CCDC171: variants seen among roughly 807,000 people sequenced by gnomAD.
CCDC171 encodes coiled-coil domain-containing protein 171.
A neutral mutation model predicts 168.2 loss-of-function variants in CCDC171; 177 were observed. The observed-to-expected ratio is 1.05, with a 90% CI of 0.93 to 1.19. The LOEUF is 1.19. Ranked by LOEUF, CCDC171 falls within the 50% of genes most tolerant of loss-of-function variation. The pLI is 0.00. For synonymous variants in CCDC171, 687 were observed against 540.8 expected, an observed-to-expected ratio of 1.27 and a Z score of -3.75; for missense variants, 1,991 against 1,539.0, an observed-to-expected ratio of 1.29 and a Z score of -4.91.
intron 24 of CCDC171, among the ~76,000 whole-genome samples, chr9:15,909,392 A>G (rs1037437299): frequency 1.2e-5 from 1 of 81,270 alleles, no homozygotes; most frequent in African/African-American, 3.9e-5. Flanking sequence ...GCATTCATGT[A>G]CATGTGCGTA....
At chr9:15,578,228 ATTTTC>A (rs1213365118) in intron 3 of CCDC171, among the ~76,000 whole-genome samples, 15 of 148,032 alleles carry the variant, frequency 1.0e-4, no homozygotes, top group African/African-American at 3.0e-4. Context: ...AGGTATGAAT[ATTTTC>A]TTTTCTTTAT....
At chr9:15,584,836 G>C (rs1452998971) in intron 4 of CCDC171, among the ~76,000 whole-genome samples, 1 of 152,110 alleles carries the variant, frequency 6.6e-6, no homozygotes, top group Non-Finnish European at 1.5e-5. Flanking sequence ...AGGAATATAA[G>C]AATTGGAAGG....
chr9:15,788,677 G>C (rs955756165), intron 21 of CCDC171, among the ~76,000 whole-genome samples: 3 of 151,186 alleles, frequency 2.0e-5, no homozygotes, highest in African/African-American at 7.3e-5. Flanking sequence ...ACCCTATCAA[G>C]AAGCTGGGTC....
chr9:15,746,752 A>G (rs1300315662), intron 18 of CCDC171, among the ~76,000 whole-genome samples: 1 of 152,174 alleles, frequency 6.6e-6, no homozygotes, highest in African/African-American at 2.4e-5. Flanking sequence ...GACTGGTTGG[A>G]CAGTGGGTGC....
chr9:15,906,695 A>G (rs1276965640), intron 24 of CCDC171, among the ~76,000 whole-genome samples: 1 of 152,218 alleles, frequency 6.6e-6, no homozygotes, highest in African/African-American at 2.4e-5. Context: ...GGAGAAGGAA[A>G]TAAAGGGTAT....
intron 25 of CCDC171, among the ~76,000 whole-genome samples, chr9:15,957,223 T>G (rs1290749391): frequency 6.6e-6 from 1 of 152,088 alleles, no homozygotes; most frequent in East Asian, 1.9e-4. Context: ...GACCACCTAT[T>G]ATGAAGCTTT....
At chr9:15,814,292 A>G (rs554819326) in intron 21 of CCDC171, among the ~76,000 whole-genome samples, 28 of 152,308 alleles carry the variant, frequency 1.8e-4, no homozygotes, top group African/African-American at 5.8e-4. Context: ...TAATTTAATG[A>G]CATGCTTCTT....
intron 20 of CCDC171, among the ~76,000 whole-genome samples, 181 bp downstream of exon 20, chr9:15,779,331 G>A (rs929287279): frequency 6.6e-6 from 1 of 151,988 alleles, no homozygotes; most frequent in Non-Finnish European, 1.5e-5. Context: ...TGATGTTGGT[G>A]GCAGGCGGGG....
intron 8 of CCDC171, among the ~76,000 whole-genome samples, 192 bp downstream of exon 8, chr9:15,657,411 A>G (rs1431146380): frequency 5.3e-5 from 8 of 152,174 alleles, no homozygotes; most frequent in Admixed American, 3.9e-4. Context: ...TTGGCACACT[A>G]TAGCCTACAG....
intron 9 of CCDC171, among the ~76,000 whole-genome samples, chr9:15,674,953 A>C (rs541544163): frequency 6.6e-6 from 1 of 152,204 alleles, no homozygotes; most frequent in Non-Finnish European, 1.5e-5. Context: ...TAATATTGAC[A>C]GTGGGGTTTT....
chr9:15,659,878 C>G (rs374147991), intron 8 of CCDC171, among the ~76,000 whole-genome samples: 64 of 152,284 alleles, frequency 4.2e-4, no homozygotes, highest in African/African-American at 1.4e-3. Flanking sequence ...CACTCCGTTA[C>G]TTTATTTGCC....
At chr9:15,684,586 CATGTT>C (rs1178165866) in intron 10 of CCDC171, among the ~76,000 whole-genome samples, 1 of 151,846 alleles carries the variant, frequency 6.6e-6, no homozygotes, top group Admixed American at 6.6e-5. Context: ...TTGTGGTACT[CATGTT>C]GAGTGAGCAA....
At position 15,578,961 on chromosome 9, in the gene CCDC171, T is replaced by C; in HGVS notation, c.290T>C (p.Leu97Pro). Residue 97 changes from leucine to proline, a missense_variant, in exon 4 of 26, where the codon CTT becomes CCT. Physicochemically the swap from Leu to Pro is moderately conservative, Grantham distance 98. Coordinates refer to ENST00000380701, the MANE Select transcript of CCDC171 (RefSeq NM_173550.4). ...GCTGTTGCTAGAAAGGAAGCTGGTC[T>C]TGGAAGACGGGCTGCTGAAGAAAGA... ...DLAVARKEAG[L>P]GRRAAEERLA... The C allele has an allele frequency of 6.2e-7, 1 of 1,614,056 alleles. No homozygotes were observed. The highest frequency in any genetic ancestry group is 8.5e-7 in the Non-Finnish European group (1 of 1,179,954).
chr9:15,596,150 T>G (rs2042336387), intron 6 of CCDC171, among the ~76,000 whole-genome samples: 1 of 152,182 alleles, frequency 6.6e-6, no homozygotes, highest in South Asian at 2.1e-4. Flanking sequence ...TTAGTTTAAT[T>G]AGATCCCATT....
chr9:15,964,399 A>G (rs1482420252), intron 25 of CCDC171, among the ~76,000 whole-genome samples: 10 of 151,866 alleles, frequency 6.6e-5, no homozygotes, highest in Admixed American at 5.3e-4. Flanking sequence ...GTGTCTTTTT[A>G]TATATTTGAG....
rs1026173862 is a variant in CCDC171 at position 15,912,177 on chromosome 9, A to C, written c.3601-8093A>C. Among the ~76,000 whole-genome samples, 5 of 152,198 alleles carry C rather than the reference A, an allele frequency of 3.3e-5. No homozygotes were observed. In the East Asian group the frequency reaches 9.6e-4, roughly 29 times the overall value. ...TTCATGGTATTGATTCTTCCTATTC[A>C]TGAGCATGGAATGTTTTTCCATCTG... On this transcript the variant is annotated intron_variant, in intron 24 of 25. Transcript: ENST00000380701.
At chr9:15,605,887 C>T (rs1425371039) in intron 6 of CCDC171, among the ~76,000 whole-genome samples, 1 of 152,122 alleles carries the variant, frequency 6.6e-6, no homozygotes, top group Non-Finnish European at 1.5e-5. Flanking sequence ...TTAGTATTTG[C>T]ATGGCATTCT....
chr9:15,631,117 G>A (rs899643895), intron 7 of CCDC171, among the ~76,000 whole-genome samples: 4 of 152,064 alleles, frequency 2.6e-5, no homozygotes, highest in African/African-American at 9.6e-5. Context: ...AAGAACTAGA[G>A]AAGCAAGAGC....
In CCDC171 at chr9:16,050,118, C is replaced by G. The variant is rs958592615; in HGVS notation, n.89+7232C>G. Among the ~76,000 whole-genome samples the G allele has an allele frequency of 2.0e-5, 3 of 152,126 alleles. 1 individual carries two copies. The highest frequency in any genetic ancestry group is 4.1e-4 in the South Asian group (2 of 4,820). On this transcript the variant is annotated intron_variant and non_coding_transcript_variant, in intron 1 of 1. Transcript: ENST00000478913. ...GCCAGGCTGGTCTCGATCTCCTGAC[C>G]TCTGATGATTCACCTGCCTTGGCCT...
Sources: allele counts gnomAD v4.1 joint callset (sites outside exome capture counted in the v4.1 genomes callset), GRCh38; gene constraint gnomAD v4.1.1; transcripts MANE v1.5; gene names NCBI Gene and HGNC (gene_info 2026-07-23, HGNC 2026-07-21).